The following SLC25A26 variants were observed in gnomAD, a reference collection of about 807,000 sequenced individuals.
The protein encoded by SLC25A26 is solute carrier family 25 member 26.
In SLC25A26, 36 loss-of-function variants were observed where a neutral mutation model predicts 37.8. That is an observed-to-expected ratio of 0.95 (90% confidence interval 0.73 to 1.26). SLC25A26 has a LOEUF of 1.26. SLC25A26 is among the 50% of genes most tolerant of loss of function. The pLI is 0.00. For missense variants in SLC25A26, 390 were observed against 331.1 expected (o/e 1.18, Z -1.38); for synonymous variants, 129 against 122.5 (o/e 1.05, Z -0.35).
intron 1 of SLC25A26, among the ~76,000 whole-genome samples, chr3:66,146,498 T>A (rs963877619): frequency 4.7e-5 from 7 of 150,224 alleles, no homozygotes; most frequent in South Asian, 2.1e-4. Context: ...CTGCTTTTTT[T>A]ATATTTTCAT....
upstream of SLC25A26, chr3:66,220,796 G>C (rs921006426): frequency 2.0e-6 from 1 of 497,592 alleles, no homozygotes; most frequent in East Asian, 4.0e-5. Context: ...TCTCGGCCAC[G>C]GATCTTTTGC....
In SLC25A26 at chr3:66,243,331, G is replaced by T. The variant is rs782007206; in HGVS notation, c.300+19G>T. 7.8e-7 allele frequency: 1 copy of T among 1,288,428 alleles called. No homozygotes were observed. Among genetic ancestry groups the T allele is most frequent in the African/African-American group, 1.5e-5 (1 of 68,692 alleles). 79.8% of individuals were successfully genotyped at this position (1,288,428 alleles called of 1,614,324 possible). A position where few individuals can be genotyped will look rare whatever the true frequency, so the allele number is the denominator to read the frequency against. On this transcript the variant is annotated intron_variant, in intron 3 of 9. Transcript: ENST00000354883. ...AGAAGTGGTAAGTAACAAGTTTTGT[G>T]TATAAAATACTTCAGAAATGCACAT...
chr3:66,185,891 A>G (rs2070817187), intron 1 of SLC25A26, among the ~76,000 whole-genome samples: 1 of 152,064 alleles, frequency 6.6e-6, no homozygotes, highest in African/African-American at 2.4e-5. Flanking sequence ...GACCTTTACC[A>G]TGAATCAGAC....
Position 66,197,679 on chromosome 3 carries a change from G to A in SLC25A26, c.-353-23063G>A, listed in dbSNP as rs1041937400. Among the ~76,000 whole-genome samples the A allele has an allele frequency of 1.0e-3, 157 of 152,202 alleles. 5 individuals are homozygous for A. The highest frequency in any genetic ancestry group is 3.5e-3 in the African/African-American group (144 of 41,532). Reference sequence around the variant, plus strand: ...AGAGTAGGAATTAGGGGTCAGAGGTGGGTGAGTTTGCGTGTCAGGTTCATG... The same window carrying A: ...AGAGTAGGAATTAGGGGTCAGAGGTAGGTGAGTTTGCGTGTCAGGTTCATG... On this transcript the variant is annotated intron_variant, in intron 1 of 10. Transcript: ENST00000676754.
intron 1 of SLC25A26, among the ~76,000 whole-genome samples, chr3:66,234,251 C>T (rs1166992364): frequency 6.6e-6 from 1 of 152,184 alleles, no homozygotes; most frequent in East Asian, 1.9e-4. Context: ...TACCACCATG[C>T]CCGGCTCTAC....
intron 1 of SLC25A26, among the ~76,000 whole-genome samples, chr3:66,147,415 A>G: frequency 6.6e-6 from 1 of 151,866 alleles, no homozygotes; most frequent in African/African-American, 2.4e-5. Flanking sequence ...CACTCACCTC[A>G]GCCTCCCAAA....
intron 6 of SLC25A26, among the ~76,000 whole-genome samples, chr3:66,347,328 C>T (rs976694257): frequency 1.3e-4 from 20 of 152,202 alleles, no homozygotes; most frequent in African/African-American, 4.6e-4. Context: ...TGAACAGACA[C>T]TTCTCAAGAG....
chr3:66,134,121 A>G (rs910660663), intron 1 of SLC25A26: 2 of 152,214 alleles, frequency 1.3e-5, no homozygotes, highest in Non-Finnish European at 2.9e-5. Flanking sequence ...ACTTCCCTCC[A>G]GTGGAAAAAC....
chr3:66,218,906 G>A (rs1299912007), upstream of SLC25A26, among the ~76,000 whole-genome samples: 1 of 152,228 alleles, frequency 6.6e-6, no homozygotes, highest in Admixed American at 6.5e-5. Context: ...CCACCATCTT[G>A]ACTGTAGTGT....
intron 5 of SLC25A26, among the ~76,000 whole-genome samples, chr3:66,334,560 C>T (rs2076051482): frequency 6.6e-6 from 1 of 152,118 alleles, no homozygotes; most frequent in Non-Finnish European, 1.5e-5. Context: ...AACTGATCCA[C>T]CGGCCTCAGC....
chr3:66,273,846 T>G (rs1316544902), intron 5 of SLC25A26, among the ~76,000 whole-genome samples: 1 of 152,148 alleles, frequency 6.6e-6, no homozygotes, highest in South Asian at 2.1e-4. Flanking sequence ...TTAGATTCAA[T>G]GCCATCCCCA....
chr3:66,201,367 C>T (rs1228112255), intron 1 of SLC25A26, among the ~76,000 whole-genome samples: 1 of 151,894 alleles, frequency 6.6e-6, no homozygotes, highest in East Asian at 1.9e-4. Flanking sequence ...AAGACAGGGT[C>T]TGTCACCCAG....
intron 1 of SLC25A26, among the ~76,000 whole-genome samples, chr3:66,170,791 GTTTTTTTTTTTTTTTTT>G (rs36147154): frequency 2.0e-5 from 1 of 50,894 alleles, no homozygotes; most frequent in East Asian, 8.0e-4. Flanking sequence ...TGTGATTATT[GTTTTTTTTTTTTTTTTT>G]TTTTTTTTTT....
At chr3:66,220,727 C>T (rs562788695), upstream of SLC25A26, 173 of 348,034 alleles carry the variant, frequency 5.0e-4, no homozygotes, top group Non-Finnish European at 1.6e-5. Flanking sequence ...AGCCACGCCT[C>T]TTCTGGGTTT....
chr3:66,374,209 G>A (rs1341396887), intron 9 of SLC25A26, among the ~76,000 whole-genome samples: 2 of 96,880 alleles, frequency 2.1e-5, no homozygotes, highest in African/African-American at 6.9e-5. Flanking sequence ...CAAATTGAAG[G>A]TTTGTGGCAA....
intron 1 of SLC25A26, among the ~76,000 whole-genome samples, chr3:66,175,140 T>TATATATACACAC (rs1413714739): frequency 1.5e-4 from 10 of 67,000 alleles, no homozygotes; most frequent in African/African-American, 6.4e-4. Flanking sequence ...TATATATATA[T>TATATATACACAC]ACACACACAC....
rs150726002 is a variant in SLC25A26, at chr3:66,296,133, A to G, written c.453+32754A>G. 5.0e-3 allele frequency among the ~76,000 whole-genome samples: 757 copies of G among 152,178 alleles called. 11 individuals are homozygous for G. Among genetic ancestry groups the G allele is most frequent in the African/African-American group, 0.013 (559 of 41,530 alleles). On this transcript the variant is annotated intron_variant, in intron 5 of 9. Coordinates refer to ENST00000354883, the MANE Select transcript of SLC25A26 (RefSeq NM_001379210.1). ...CTCCGTCTTGGAAAATAAAAAAAAA[A>G]TTTCTTAAAGAATTGGAGCCATCAA...
chr3:66,267,172 G>A (rs1423917537), intron 5 of SLC25A26, among the ~76,000 whole-genome samples: 1 of 151,810 alleles, frequency 6.6e-6, no homozygotes, highest in African/African-American at 2.4e-5. Flanking sequence ...ATGCAGGTGG[G>A]GTTACAGACG....
At chr3:66,143,917 A>G (rs187888475) in intron 1 of SLC25A26, among the ~76,000 whole-genome samples, 1 of 152,208 alleles carries the variant, frequency 6.6e-6, no homozygotes, top group East Asian at 1.9e-4. Flanking sequence ...GAGAACAGCA[A>G]AGCCTTAAAC....
Sources: gnomAD v4.1 joint callset for allele counts (sites outside exome capture counted in the v4.1 genomes callset) on GRCh38, gnomAD v4.1.1 for gene constraint, MANE v1.5 for transcripts, NCBI Gene and HGNC (gene_info 2026-07-23, HGNC 2026-07-21) for gene names.